The following POLD3 variants were observed in gnomAD, a reference collection of about 807,000 sequenced individuals.
POLD3 encodes DNA polymerase delta 3, accessory subunit, also known as DNA polymerase delta subunit 3.
Under a neutral mutation model 58.2 loss-of-function variants are expected in POLD3, and 19 were observed. The observed-to-expected ratio is 0.33, with a 90% CI of 0.23 to 0.48. The LOEUF (loss-of-function observed/expected upper bound fraction) is 0.48. Ranked by LOEUF, POLD3 falls within the 20% of genes least tolerant of loss-of-function variation. The pLI is 0.99. For missense variants in POLD3, 504 were observed against 545.5 expected, an observed-to-expected ratio of 0.92 and a Z score of 0.76; for synonymous variants, 172 against 193.5, an observed-to-expected ratio of 0.89 and a Z score of 0.92.
At chr11:74,633,445 CT>C (rs764249186) in intron 9 of POLD3, among the ~76,000 whole-genome samples, 16 of 152,338 alleles carry the variant, frequency 1.1e-4, no homozygotes, top group Admixed American at 3.3e-4. Context: ...TGCTTCACCT[CT>C]TTAGGCCATT....
intron 8 of POLD3, among the ~76,000 whole-genome samples, chr11:74,626,138 C>G (rs1256936469): frequency 6.6e-6 from 1 of 152,132 alleles, no homozygotes; most frequent in Non-Finnish European, 1.5e-5. Flanking sequence ...ACTGTCAACA[C>G]TGATAGGCCT....
intron 5 of POLD3, among the ~76,000 whole-genome samples, chr11:74,617,307 C>T (rs985317679): frequency 5.9e-5 from 9 of 152,144 alleles, no homozygotes; most frequent in Admixed American, 1.3e-4. Context: ...CTTACTTGTC[C>T]GGTGCTGTTA....
chr11:74,621,873 T>A (rs1013018850), intron 7 of POLD3, among the ~76,000 whole-genome samples: 2 of 106,708 alleles, frequency 1.9e-5, no homozygotes, highest in Admixed American at 9.4e-5. Flanking sequence ...TTATTTATTT[T>A]ATTATTATTA....
At position 74,592,634 on chromosome 11, in the gene POLD3, A is replaced by G. The variant is rs760287438; in HGVS notation, c.-25A>G. 5.7e-5 allele frequency: 91 copies of G among 1,600,444 alleles called. No homozygotes were observed. The highest frequency in any genetic ancestry group is 7.3e-5 in the Non-Finnish European group (85 of 1,171,898). On this transcript the variant is annotated 5_prime_UTR_variant, in exon 1 of 12. Coordinates refer to ENST00000263681, the MANE Select transcript of POLD3 (RefSeq NM_006591.3). Reference sequence around the variant, plus strand: ...TGGCTGTGATTGAGAGAGGGGTTAGAGGCGGGTCCCAGCGCTGCCGCACCA... The same window carrying G: ...TGGCTGTGATTGAGAGAGGGGTTAGGGGCGGGTCCCAGCGCTGCCGCACCA...
rs1304237486 is a variant in POLD3, at chr11:74,629,329, C to T, written c.1006+6C>T. 1 of 1,512,056 alleles carries T rather than the reference C, an allele frequency of 6.6e-7. No homozygotes were observed. Among genetic ancestry groups the T allele is most frequent in the Non-Finnish European group, 9.1e-7 (1 of 1,096,314 alleles). The allele number at this position is 1,512,056 out of a possible 1,614,324, so 93.7% of individuals were successfully genotyped here. On this transcript the variant is annotated splice_donor_region_variant and intron_variant, in intron 9 of 11. Transcript: ENST00000263681. ...TGATAGCAGTGAAGATGAAGGTGGG[C>T]ATTACCATTCATTTTGGGTTAGGGG... is the stretch of plus-strand genomic sequence containing the variant.
chr11:74,661,421 C>T (rs1353655180), intron 4 of POLD3, among the ~76,000 whole-genome samples: 1 of 152,134 alleles, frequency 6.6e-6, no homozygotes, highest in East Asian at 1.9e-4. Context: ...TAGGGGGAAC[C>T]CCAAGCCCAG....
At chr11:74,657,972 C>G (rs987733502) in intron 4 of POLD3, among the ~76,000 whole-genome samples, 1 of 152,122 alleles carries the variant, frequency 6.6e-6, no homozygotes, top group Non-Finnish European at 1.5e-5. Flanking sequence ...CCTCTCCTGG[C>G]TTGTAAGGTT....
rs1353251614 is a variant in POLD3, at chr11:74,641,335, A to C, written c.*569A>C. The C allele has an allele frequency of 2.0e-6, 2 of 985,438 alleles. No homozygotes were observed. Among genetic ancestry groups the C allele is most frequent in the Non-Finnish European group, 2.4e-6 (2 of 829,962 alleles). 61.0% of individuals were successfully genotyped at this position (985,438 alleles called of 1,614,324 possible). The stretch of plus-strand genomic sequence containing the variant: ...AATCTCCCTGTAATCCTCTTCCTCC[A>C]TTATGCAGTACACGGACACCTGGCT... On this transcript the variant is annotated 3_prime_UTR_variant, in exon 12 of 12. Transcript: ENST00000263681.
chr11:74,641,614 A>G lies in POLD3; in HGVS notation c.*848A>G. 2.0e-6 allele frequency: 2 copies of G among 985,414 alleles called. No individual in the cohort carries two copies. The highest frequency in any genetic ancestry group is 2.4e-6 in the Non-Finnish European group (2 of 829,932). 61.0% of individuals were successfully genotyped at this position (985,414 alleles called of 1,614,324 possible). A position where few individuals can be genotyped will look rare whatever the true frequency, so the allele number is the denominator to read the frequency against. Reference sequence around the variant, plus strand: ...CTCCTCCCCCACTCTCAATACCTAGAGAGTGAAACCCGTACAATGAGATAA... The same window carrying G: ...CTCCTCCCCCACTCTCAATACCTAGGGAGTGAAACCCGTACAATGAGATAA... On this transcript the variant is annotated 3_prime_UTR_variant, in exon 12 of 12. Transcript: ENST00000263681.
intron 4 of POLD3, 40 bp downstream of exon 4, chr11:74,611,578 G>T (rs148051926): frequency 2.5e-6 from 3 of 1,198,510 alleles, no homozygotes; most frequent in African/African-American, 1.5e-5. Flanking sequence ...TCCTCTTATG[G>T]CATCAGTGTA....
chr11:74,638,576 ATAAC>A (rs1323792045), intron 11 of POLD3: 2 of 454,402 alleles, frequency 4.4e-6, no homozygotes, highest in Admixed American at 2.4e-5. Flanking sequence ...TATTGAATAA[ATAAC>A]AGCTCGTAAT....
At chr11:74,643,425 C>T (rs1184737075), downstream of POLD3, among the ~76,000 whole-genome samples, 1 of 152,196 alleles carries the variant, frequency 6.6e-6, no homozygotes, top group Non-Finnish European at 1.5e-5. Flanking sequence ...GAATTTGGCA[C>T]TTGATCCTCA....
chr11:74,602,436 C>T, intron 2 of POLD3, among the ~76,000 whole-genome samples: 1 of 152,146 alleles, frequency 6.6e-6, no homozygotes, highest in East Asian at 1.9e-4. Flanking sequence ...CTTTGGGTTG[C>T]CTAGTCCAGT....
chr11:74,596,273 T>A (rs1232493174), intron 2 of POLD3, among the ~76,000 whole-genome samples: 1 of 149,656 alleles, frequency 6.7e-6, no homozygotes, highest in Admixed American at 6.7e-5. Flanking sequence ...AACCTCCGCC[T>A]CCCTGGTTCA....
intron 4 of POLD3, among the ~76,000 whole-genome samples, chr11:74,658,046 A>G (rs937470005): frequency 1.3e-5 from 2 of 152,082 alleles, no homozygotes; most frequent in African/African-American, 4.8e-5. Context: ...GTACTTGGGT[A>G]TTTTTATTAG....
chr11:74,664,763 T>G (rs1956474761), intron 4 of POLD3, among the ~76,000 whole-genome samples: 1 of 152,212 alleles, frequency 6.6e-6, no homozygotes, highest in South Asian at 2.1e-4. Flanking sequence ...ATAATAAACC[T>G]TATCAATAGA....
rs775227445 is a variant in POLD3, at chr11:74,620,611, TC to T, written c.733+523del. Among the ~76,000 whole-genome samples the T allele has an allele frequency of 1.3e-4, 20 of 152,328 alleles. No homozygotes were observed. In the East Asian group the frequency reaches 3.9e-3, roughly 29 times the overall value. Reference sequence around the variant, plus strand: ...CCAAGTAGTAATGGACATTTAAAAATCTTTTTTGAGAAAGCAAAAATCTTCT... The same window carrying T: ...CCAAGTAGTAATGGACATTTAAAAATTTTTTTGAGAAAGCAAAAATCTTCT... On this transcript the variant is annotated intron_variant, in intron 7 of 11. Coordinates refer to ENST00000263681, the MANE Select transcript of POLD3 (RefSeq NM_006591.3).
At chr11:74,657,019 T>A (rs2033145441) in intron 4 of POLD3, among the ~76,000 whole-genome samples, 1 of 21,834 alleles carries the variant, frequency 4.6e-5, no homozygotes, top group African/African-American at 1.9e-4. Flanking sequence ...GATTGATGCC[T>A]TTACCATTAT....
intron 8 of POLD3, among the ~76,000 whole-genome samples, chr11:74,627,045 G>A (rs1273250771): frequency 1.3e-5 from 2 of 152,056 alleles, no homozygotes; most frequent in Non-Finnish European, 2.9e-5. Context: ...ATTTTAGAGG[G>A]TAGTCTTTCT....
Sources: gnomAD v4.1 joint callset for allele counts (sites outside exome capture counted in the v4.1 genomes callset) on GRCh38, gnomAD v4.1.1 for gene constraint, MANE v1.5 for transcripts, NCBI Gene and HGNC (gene_info 2026-07-23, HGNC 2026-07-21) for gene names.